PIGP: variants seen among roughly 807,000 people sequenced by gnomAD.
PIGP encodes the protein phosphatidylinositol glycan anchor biosynthesis class P.
PIGP carries 12 observed loss-of-function variants against 16.9 expected under a neutral mutation model. That is an observed-to-expected ratio of 0.71 (90% CI 0.46 to 1.15). PIGP has a LOEUF of 1.15. PIGP is among the 50% of genes most tolerant of loss of function. The pLI is 0.00. For missense variants in PIGP, 159 were observed against 153.5 expected, an observed-to-expected ratio of 1.04 and a Z score of -0.19; for synonymous variants, 57 against 54.7, an observed-to-expected ratio of 1.04 and a Z score of -0.18.
At chr21:37,068,631 G>A (rs750377940) in intron 3 of PIGP, among the ~76,000 whole-genome samples, 1 of 152,206 alleles carries the variant, frequency 6.6e-6, no homozygotes, top group Admixed American at 6.5e-5. Context: ...GTGCTAACAA[G>A]TGAGTTGGAA....
Position 37,069,598 on chromosome 21 carries a change from G to T in PIGP, c.109C>A (p.Pro37Thr). ...FILYLVWAFIPESWLNSLGLT... is the reference protein window; with the variant it reads ...FILYLVWAFITESWLNSLGLT... ...CCTAAAGAGTTTAGCCAAGATTCAGGAATAAAGGCCCACACGAGGTAAAGT... is the reference window on the plus strand; with the variant it reads ...CCTAAAGAGTTTAGCCAAGATTCAGTAATAAAGGCCCACACGAGGTAAAGT... The change falls in exon 3 of 5, where the codon CCT becomes ACT. Residue 37 changes from proline to threonine, a missense_variant. Coordinates refer to ENST00000360525, the MANE Select transcript of PIGP (RefSeq NM_153682.3). 1 of 1,568,450 alleles carries T rather than the reference G, an allele frequency of 6.4e-7. No individual in the cohort carries two copies. Among genetic ancestry groups the T allele is most frequent in the Non-Finnish European group, 8.7e-7 (1 of 1,153,772 alleles).
At chr21:37,072,714 C>G (rs536585360) in intron 1 of PIGP, 177 bp from the exon 2 acceptor site, 2 of 989,698 alleles carry the variant, frequency 2.0e-6, no homozygotes, top group Non-Finnish European at 3.0e-6. Flanking sequence ...CTGGCGCGCG[C>G]CCCGCAACAG....
In PIGP at chr21:37,072,678, G is replaced by A. The variant is rs562720125; in HGVS notation, c.-22-141C>T. 3.7e-4 allele frequency: 539 copies of A among 1,448,034 alleles called. 3 individuals are homozygous for A. The African/African-American group carries it at 5.4e-3, about 15-fold the overall frequency. 89.7% of individuals were successfully genotyped at this position (1,448,034 alleles called of 1,614,324 possible). ...GCCTCCGTCCGCAACCCGCGCCCCCGCCTCGAGCGCATACAGACACCCAGG... is the reference window on the plus strand; with the variant it reads ...GCCTCCGTCCGCAACCCGCGCCCCCACCTCGAGCGCATACAGACACCCAGG... On this transcript the variant is annotated intron_variant, in intron 1 of 4. Coordinates refer to ENST00000360525, the MANE Select transcript of PIGP (RefSeq NM_153682.3).
Position 37,065,412 on chromosome 21 carries a change from A to T in PIGP, c.*170T>A. 1.8e-6 allele frequency: 1 copy of T among 568,816 alleles called. No homozygotes were observed. The allele number at this position is 568,816 out of a possible 1,614,324, so 35.2% of individuals were successfully genotyped here. On this transcript the variant is annotated 3_prime_UTR_variant, in exon 5 of 5. Transcript: ENST00000360525. ...TATTGTATTTATTCTATTCATTAAC[A>T]ATACTTGAACATTTACAATATTCAT... is the stretch of plus-strand genomic sequence containing the variant.
intron 2 of PIGP, among the ~76,000 whole-genome samples, chr21:37,071,580 A>AT (rs2070035635): frequency 6.6e-6 from 1 of 152,176 alleles, no homozygotes; most frequent in South Asian, 2.1e-4. Flanking sequence ...TAGCCTGGCC[A>AT]TTACATTCAT....
intron 1 of PIGP, 51 bp downstream of exon 1, chr21:37,072,949 A>G (rs1946186683): frequency 4.6e-6 from 1 of 218,120 alleles, no homozygotes. Context: ...GGGGCCCTCG[A>G]CCTCGGGTCC....
At position 37,065,597 on chromosome 21, in the gene PIGP, A is replaced by T. The variant is rs1030121670; in HGVS notation, c.390T>A (p.Leu130=). 6.2e-7 allele frequency: 1 copy of T among 1,613,086 alleles called. No homozygotes were observed. The highest frequency in any genetic ancestry group is 1.3e-5 in the African/African-American group (1 of 74,988). ...NQMFFLAAKE[L]YTKN ...TACACACAGTTCAGTTTTTGGTGTA[A>T]AGTTCTTTGGCTGCAAGAAAGAACA... is the stretch of plus-strand genomic sequence containing the variant. The change falls in exon 5 of 5, where the codon CTT becomes CTA. Residue 130 remains leucine, a synonymous_variant. Coordinates refer to ENST00000360525, the MANE Select transcript of PIGP (RefSeq NM_153682.3).
At chr21:37,070,644 T>G (rs1031898703) in intron 2 of PIGP, among the ~76,000 whole-genome samples, 1 of 152,226 alleles carries the variant, frequency 6.6e-6, no homozygotes, top group African/African-American at 2.4e-5. Flanking sequence ...CCCCCCGGCA[T>G]GAGAATGAAG....
In PIGP at chr21:37,065,464, T is replaced by G; in HGVS notation, c.*118A>C. 1 of 959,808 alleles carries G rather than the reference T, an allele frequency of 1.0e-6. No homozygotes were observed. Among genetic ancestry groups the G allele is most frequent in the Non-Finnish European group, 1.5e-6 (1 of 652,390 alleles). The allele number at this position is 959,808 out of a possible 1,614,324, so 59.5% of individuals were successfully genotyped here. On this transcript the variant is annotated 3_prime_UTR_variant, in exon 5 of 5. Coordinates refer to ENST00000360525, the MANE Select transcript of PIGP (RefSeq NM_153682.3). ...GAACATAATCTAAGAGAAGGTCAAC[T>G]TACATTTTTTACTTCTCTATTAATA... is the stretch of plus-strand genomic sequence containing the variant.
Position 37,065,531 on chromosome 21 carries a change from C to T in PIGP, c.*51G>A, listed in dbSNP as rs765608898. On this transcript the variant is annotated 3_prime_UTR_variant, in exon 5 of 5. Transcript: ENST00000360525. Reference sequence around the variant, plus strand: ...TAATTTATGGTCAAAATTATAATGGCAAAAACTTATAAATAAATACGTGCT... The same window carrying T: ...TAATTTATGGTCAAAATTATAATGGTAAAAACTTATAAATAAATACGTGCT... 1.3e-5 allele frequency: 20 copies of T among 1,565,038 alleles called. No individual in the cohort carries two copies. The highest frequency in any genetic ancestry group is 1.6e-5 in the Non-Finnish European group (19 of 1,161,386).
At chr21:37,070,800 T>C (rs2069991454) in intron 2 of PIGP, among the ~76,000 whole-genome samples, 1 of 152,224 alleles carries the variant, frequency 6.6e-6, no homozygotes, top group Admixed American at 6.5e-5. Context: ...GTTTCGCTCG[T>C]TGCCCAGGCT....
At chr21:37,071,941 C>T (rs573930938) in intron 2 of PIGP, among the ~76,000 whole-genome samples, 1 of 152,352 alleles carries the variant, frequency 6.6e-6, no homozygotes, top group South Asian at 2.1e-4. Context: ...ACACTGGTGA[C>T]ATCACAAGCT....
Position 37,067,383 on chromosome 21 carries a change from G to C in PIGP, c.156-3C>G. ...CAGGTAATGCAACTGCCCAATATCT[G>C]CCAAAGAGAATATTAAAGTACATAA... On this transcript the variant is annotated splice_polypyrimidine_tract_variant and splice_region_variant and intron_variant, in intron 3 of 4. Coordinates refer to ENST00000360525, the MANE Select transcript of PIGP (RefSeq NM_153682.3). 6.7e-7 allele frequency: 1 copy of C among 1,495,834 alleles called. No homozygotes were observed. The highest frequency in any genetic ancestry group is 9.3e-7 in the Non-Finnish European group (1 of 1,073,040). The allele number at this position is 1,495,834 out of a possible 1,614,324, so 92.7% of individuals were successfully genotyped here. A position where few individuals can be genotyped will look rare whatever the true frequency, so the allele number is the denominator to read the frequency against.
In PIGP at chr21:37,072,524, G is replaced by A; in HGVS notation, c.-9C>T. ...GGTGAATTTTCCACCATTTTTCCTG[G>A]GGCTTTAGACAATCTGTGGAAAAGG... is the stretch of plus-strand genomic sequence containing the variant. On this transcript the variant is annotated 5_prime_UTR_variant, in exon 2 of 5. Transcript: ENST00000360525. The A allele has an allele frequency of 6.2e-7, 1 of 1,614,196 alleles. No individual in the cohort carries two copies.
intron 2 of PIGP, 158 bp downstream of exon 2, chr21:37,072,276 G>A (rs533099693): frequency 3.1e-6 from 5 of 1,608,250 alleles, no homozygotes; most frequent in Middle Eastern, 3.3e-4. Context: ...CTGGCACACG[G>A]AACACTCAGC....
chr21:37,072,625 G>GC, intron 1 of PIGP, 88 bp from the exon 2 acceptor site: 3 of 1,598,416 alleles, frequency 1.9e-6, no homozygotes, highest in Non-Finnish European at 2.6e-6. Context: ...CGCGGGTACG[G>GC]CCCCCGCCGC....
In PIGP at chr21:37,072,759, T is replaced by A. The variant is rs549956228; in HGVS notation, c.-22-222A>T. ...CGGAGGATAGGGCAGGGAGGGGGGT[T>A]CTGGGGCGATAGACGCGCGCTCCAG... On this transcript the variant is annotated intron_variant, in intron 1 of 4. Coordinates refer to ENST00000360525, the MANE Select transcript of PIGP (RefSeq NM_153682.3). 1.7e-3 allele frequency: 1,121 copies of A among 657,294 alleles called. 4 individuals carry two copies. The highest frequency in any genetic ancestry group is 2.6e-3 in the Non-Finnish European group (996 of 390,194). 40.7% of individuals were successfully genotyped at this position (657,294 alleles called of 1,614,324 possible). A position where few individuals can be genotyped will look rare whatever the true frequency, so the allele number is the denominator to read the frequency against.
intron 4 of PIGP, among the ~76,000 whole-genome samples, chr21:37,066,637 G>A (rs188860612): frequency 1.6e-3 from 242 of 152,232 alleles, no homozygotes; most frequent in Admixed American, 5.2e-3. Flanking sequence ...TTGGAATAAG[G>A]AGTACACAAT....
rs1208235848 is a variant in PIGP at position 37,069,586 on chromosome 21, G to C, written c.121C>G (p.Leu41Val). The C allele has an allele frequency of 6.4e-7, 1 of 1,569,270 alleles. No individual in the cohort carries two copies. The highest frequency in any genetic ancestry group is 1.4e-5 in the African/African-American group (1 of 73,586). The change falls in exon 3 of 5, where the codon CTA becomes GTA. Residue 41 changes from leucine (L) to valine (V), a missense_variant. Physicochemically the swap from Leu to Val is conservative, Grantham distance 32 (BLOSUM62 1). Transcript: ENST00000360525. ...CAATAGGTTAAACCTAAAGAGTTTA[G>C]CCAAGATTCAGGAATAAAGGCCCAC... is the stretch of plus-strand genomic sequence containing the variant. ...LVWAFIPESW[L>V]NSLGLTYWPQ...
Sources: allele counts gnomAD v4.1 joint callset (sites outside exome capture counted in the v4.1 genomes callset), GRCh38; gene constraint gnomAD v4.1.1; transcripts MANE v1.5; gene names NCBI Gene and HGNC (gene_info 2026-07-23, HGNC 2026-07-21).